Variants in AUTS2 observed in about 807,000 individuals in gnomAD.
AUTS2 encodes autism susceptibility gene 2 protein.
Under a neutral mutation model 112.4 loss-of-function variants are expected in AUTS2, and 17 were observed. The observed-to-expected ratio is 0.15, with a 90% CI of 0.10 to 0.23. The LOEUF is 0.23. AUTS2 is among the 10% of genes least tolerant of loss of function. The pLI, the probability that AUTS2 is intolerant of heterozygous loss-of-function variation, is 1.00. For synonymous variants in AUTS2, 751 were observed against 702.7 expected (o/e 1.07, Z -1.09); for missense variants, 1,510 against 1,701.6 (o/e 0.89, Z 1.98).
Position 70,744,277 on chromosome 7 carries a change from G to C in AUTS2, c.743-18593G>C, listed in dbSNP as rs370935070. ...TTAACAATGGGTTTTCCAAGGGTGA[G>C]TGACATGAGGCCATTTGTCTGCGGT... On this transcript the variant is annotated intron_variant, in intron 6 of 18. Transcript: ENST00000342771. Among the ~76,000 whole-genome samples the C allele has an allele frequency of 2.7e-4, 41 of 152,278 alleles. 1 individual carries two copies. The South Asian group carries it at 7.9e-3, about 29-fold the overall frequency.
chr7:70,180,943 A>C (rs1461084136), intron 4 of AUTS2, among the ~76,000 whole-genome samples: 1 of 152,142 alleles, frequency 6.6e-6, no homozygotes, highest in Admixed American at 6.5e-5. Flanking sequence ...CCATTTACCC[A>C]CCACCCAGCT....
intron 1 of AUTS2, among the ~76,000 whole-genome samples, chr7:69,750,472 TTAG>T (rs146638908): frequency 8.9e-4 from 131 of 148,012 alleles, no homozygotes; most frequent in Middle Eastern, 3.6e-3. Flanking sequence ...AAATACTATG[TTAG>T]TAGTAGTAGT....
intron 4 of AUTS2, among the ~76,000 whole-genome samples, chr7:70,286,239 G>A (rs1420249689): frequency 2.0e-5 from 3 of 152,174 alleles, no homozygotes; most frequent in African/African-American, 7.2e-5. Flanking sequence ...TGAAGGCCAG[G>A]TGTAGGTTCC....
intron 2 of AUTS2, among the ~76,000 whole-genome samples, chr7:70,021,997 C>G (rs1196538583): frequency 1.3e-5 from 2 of 151,588 alleles, no homozygotes; most frequent in Non-Finnish European, 2.9e-5. Flanking sequence ...AGAGCATGGA[C>G]TTTTGTCTTA....
At chr7:70,060,287 T>C (rs566929675) in intron 2 of AUTS2, among the ~76,000 whole-genome samples, 1 of 152,358 alleles carries the variant, frequency 6.6e-6, no homozygotes, top group South Asian at 2.1e-4. Flanking sequence ...AAGAACATTG[T>C]ATAAGGGCAA....
At chr7:69,723,123 A>G (rs1435906572) in intron 1 of AUTS2, among the ~76,000 whole-genome samples, 1 of 152,120 alleles carries the variant, frequency 6.6e-6, no homozygotes, top group Non-Finnish European at 1.5e-5. Flanking sequence ...ACTGTCTGAC[A>G]CTTTATCCCC....
chr7:70,065,379 G>A (rs1229151866), intron 2 of AUTS2, among the ~76,000 whole-genome samples: 1 of 152,126 alleles, frequency 6.6e-6, no homozygotes, highest in African/African-American at 2.4e-5. Context: ...TTCCTGAATT[G>A]TTTTTTAAAA....
intron 1 of AUTS2, among the ~76,000 whole-genome samples, chr7:69,637,091 A>G (rs1474801420): frequency 2.6e-5 from 4 of 152,186 alleles, no homozygotes; most frequent in Non-Finnish European, 5.9e-5. Context: ...AAATGTCTGC[A>G]TAATAGTCAA....
chr7:70,122,286 A>G lies in AUTS2; in HGVS notation c.624+4053A>G, dbSNP rs79551362. 2.7e-3 allele frequency among the ~76,000 whole-genome samples: 417 copies of G among 152,308 alleles called. 1 individual carries two copies. The highest frequency in any genetic ancestry group is 9.1e-3 in the African/African-American group (380 of 41,572). Reference sequence around the variant, plus strand: ...AATAGATAGTCATGACAGTTGCTCAATGTTTTGAATGTAATTAATGCCACT... The same window carrying G: ...AATAGATAGTCATGACAGTTGCTCAGTGTTTTGAATGTAATTAATGCCACT... On this transcript the variant is annotated intron_variant, in intron 3 of 18. Transcript: ENST00000342771.
At chr7:70,476,593 A>G (rs548936807) in intron 5 of AUTS2, among the ~76,000 whole-genome samples, 1 of 152,334 alleles carries the variant, frequency 6.6e-6, no homozygotes, top group African/African-American at 2.4e-5. Context: ...TTAATAAGTC[A>G]TGTACTGAGT....
intron 1 of AUTS2, among the ~76,000 whole-genome samples, chr7:69,694,363 T>G (rs1797467627): frequency 6.6e-6 from 1 of 152,224 alleles, no homozygotes; most frequent in Non-Finnish European, 1.5e-5. Context: ...TACTGTTCTT[T>G]TAAGACATCC....
chr7:70,654,106 T>C (rs1806646101), intron 5 of AUTS2, among the ~76,000 whole-genome samples: 1 of 152,200 alleles, frequency 6.6e-6, no homozygotes, highest in Non-Finnish European at 1.5e-5. Context: ...AAGCCCATAA[T>C]AAGCCAGAAA....
At chr7:70,719,471 C>A (rs13237259) in intron 6 of AUTS2, among the ~76,000 whole-genome samples, 1 of 150,232 alleles carries the variant, frequency 6.7e-6, no homozygotes, top group African/African-American at 2.5e-5. Context: ...CTCCCCACCC[C>A]ACCCACCCCC....
At chr7:69,745,137 A>G (rs1584175954) in intron 1 of AUTS2, among the ~76,000 whole-genome samples, 1 of 151,644 alleles carries the variant, frequency 6.6e-6, no homozygotes, top group Middle Eastern at 3.4e-3. Flanking sequence ...AGAGTAAGAA[A>G]CTCTTTCTCC....
intron 4 of AUTS2, among the ~76,000 whole-genome samples, chr7:70,224,621 C>G (rs1238673868): frequency 6.6e-6 from 1 of 152,062 alleles, no homozygotes; most frequent in Admixed American, 6.6e-5. Context: ...CCAACATGTA[C>G]AATGTTTATA....
chr7:70,441,436 A>G (rs977450540), intron 5 of AUTS2, among the ~76,000 whole-genome samples: 2 of 152,048 alleles, frequency 1.3e-5, no homozygotes, highest in Non-Finnish European at 2.9e-5. Context: ...CCCAGGCTGG[A>G]GTACAATGGC....
intron 2 of AUTS2, among the ~76,000 whole-genome samples, chr7:69,996,584 A>T (rs997701381): frequency 2.6e-5 from 4 of 152,188 alleles, no homozygotes; most frequent in African/African-American, 9.7e-5. Flanking sequence ...GCCCACTGCC[A>T]GTATTTACAT....
chr7:69,662,256 T>C (rs1213768147), intron 1 of AUTS2, among the ~76,000 whole-genome samples: 1 of 152,024 alleles, frequency 6.6e-6, no homozygotes, highest in East Asian at 1.9e-4. Context: ...GGCCATTTGA[T>C]AGTAATTGCT....
chr7:70,176,723 T>C lies in AUTS2; in HGVS notation c.660+42152T>C, dbSNP rs73169992. 4.2e-3 allele frequency among the ~76,000 whole-genome samples: 636 copies of C among 152,328 alleles called. 5 individuals carry two copies. Among genetic ancestry groups the C allele is most frequent in the Non-Finnish European group, 5.8e-3 (394 of 68,032 alleles). ...TATTCCTGAAAATCTTTCTAAAATA[T>C]GTTCAGTGTCTGTCTGCCTTAGAAT... On this transcript the variant is annotated intron_variant, in intron 4 of 18. Coordinates refer to ENST00000342771, the MANE Select transcript of AUTS2 (RefSeq NM_015570.4).
Sources: allele counts gnomAD v4.1 joint callset (sites outside exome capture counted in the v4.1 genomes callset), GRCh38; gene constraint gnomAD v4.1.1; transcripts MANE v1.5; gene names NCBI Gene and HGNC (gene_info 2026-07-23, HGNC 2026-07-21).